The following SLC39A14 variants were observed in gnomAD, a reference collection of about 807,000 sequenced individuals.
The protein encoded by SLC39A14 is solute carrier family 39 member 14, also known as metal cation symporter ZIP14.
In SLC39A14, 19 loss-of-function variants were observed where a neutral mutation model predicts 45.5. That is an observed-to-expected ratio of 0.42 (90% confidence interval 0.29 to 0.61). The LOEUF (loss-of-function observed/expected upper bound fraction) is 0.61. Ranked by LOEUF, SLC39A14 falls within the 20% of genes least tolerant of loss-of-function variation. The pLI is 0.22. For synonymous variants in SLC39A14, 264 were observed against 251.3 expected (o/e 1.05, Z -0.48); for missense variants, 447 against 616.5 (o/e 0.73, Z 2.91).
At chr8:22,396,383 AATAGAGAGAGAGAGAG>A (rs1563532295) in intron 1 of SLC39A14, among the ~76,000 whole-genome samples, 16 of 63,782 alleles carry the variant, frequency 2.5e-4, no homozygotes, top group African/African-American at 9.7e-4. Flanking sequence ...TAAATAAATA[AATAGAGAGAGAGAGAG>A]AGAGAGAGAG....
rs549815300 is a variant in SLC39A14 at position 22,411,619 on chromosome 8, C to T, written c.458-418C>T. Among the ~76,000 whole-genome samples the T allele has an allele frequency of 1.6e-4, 25 of 152,146 alleles. 1 individual carries two copies. Among genetic ancestry groups the T allele is most frequent in the African/African-American group, 5.6e-4 (23 of 41,422 alleles). ...TTGCATGTCCTATAAAGAGAGCCCT[C>T]GAGTCCAAAGTCTGTCCTGGACAGC... On this transcript the variant is annotated intron_variant, in intron 3 of 8. Coordinates refer to ENST00000381237, the MANE Select transcript of SLC39A14 (RefSeq NM_001128431.4).
rs1362430824 is a variant in SLC39A14 at position 22,422,018 on chromosome 8, C to T, written c.*2320C>T. 17 of 985,298 alleles carry T rather than the reference C, an allele frequency of 1.7e-5. No homozygotes were observed. Among genetic ancestry groups the T allele is most frequent in the African/African-American group, 3.5e-5 (2 of 57,234 alleles). The allele number at this position is 985,298 out of a possible 1,614,324, so 61.0% of individuals were successfully genotyped here. Reference sequence around the variant, plus strand: ...GACGCTCACATCGTCTGACTTGAGTCGCCACTGATTGTGGCAACAGCTTTG... The same window carrying T: ...GACGCTCACATCGTCTGACTTGAGTTGCCACTGATTGTGGCAACAGCTTTG... On this transcript the variant is annotated 3_prime_UTR_variant, in exon 9 of 9. Coordinates refer to ENST00000381237, the MANE Select transcript of SLC39A14 (RefSeq NM_001128431.4).
chr8:22,371,375 A>T (rs182210852), intron 1 of SLC39A14, among the ~76,000 whole-genome samples: 1 of 151,564 alleles, frequency 6.6e-6, no homozygotes, highest in Admixed American at 6.6e-5. Flanking sequence ...AATAAAAAAA[A>T]TCAGATAAAA....
In SLC39A14 at chr8:22,422,077, T is replaced by A; in HGVS notation, c.*2379T>A. The A allele has an allele frequency of 1.0e-6, 1 of 985,418 alleles. No individual in the cohort carries two copies. Among genetic ancestry groups the A allele is most frequent in the Non-Finnish European group, 1.2e-6 (1 of 829,920 alleles). The allele number at this position is 985,418 out of a possible 1,614,324, so 61.0% of individuals were successfully genotyped here. On this transcript the variant is annotated 3_prime_UTR_variant, in exon 9 of 9. Transcript: ENST00000381237. The stretch of plus-strand genomic sequence containing the variant: ...GTCAAAAATTGGCAATTTCTTTTGA[T>A]TTTTAGTTGTTGAATTTGCTGTTTC...
intron 8 of SLC39A14, among the ~76,000 whole-genome samples, chr8:22,431,134 C>T (rs542967617): frequency 6.6e-6 from 1 of 151,908 alleles, no homozygotes; most frequent in African/African-American, 2.4e-5. Context: ...ACTACAGGCA[C>T]GTGCCACCAC....
chr8:22,428,062 G>T (rs1334292427), intron 8 of SLC39A14, among the ~76,000 whole-genome samples: 1 of 152,166 alleles, frequency 6.6e-6, no homozygotes, highest in Non-Finnish European at 1.5e-5. Context: ...GCTCTGGGAG[G>T]CTGAGGCGGG....
chr8:22,415,465 TATATATAG>T (rs1835815784), intron 5 of SLC39A14: 2 of 308,938 alleles, frequency 6.5e-6, no homozygotes, highest in Non-Finnish European at 1.2e-5. Context: ...TGCAGATTTA[TATATATAG>T]ATATTAGAAA....
intron 1 of SLC39A14, among the ~76,000 whole-genome samples, chr8:22,392,515 G>A (rs1288434105): frequency 6.6e-6 from 1 of 152,154 alleles, no homozygotes; most frequent in Admixed American, 6.6e-5. Flanking sequence ...TGTGAGTACC[G>A]CGTTTCCTAA....
In SLC39A14 at chr8:22,404,743, G is replaced by T. The variant is rs1315268156; in HGVS notation, c.33G>T (p.Gln11His). 6.2e-7 allele frequency: 1 copy of T among 1,613,706 alleles called. No individual in the cohort carries two copies. Among genetic ancestry groups the T allele is most frequent in the Non-Finnish European group, 8.5e-7 (1 of 1,180,008 alleles). Residue 11 changes from glutamine to histidine, a missense_variant, in exon 2 of 9, where the codon CAG (glutamine) becomes CAT (histidine). By Grantham distance (24) the Gln-to-His change is conservative. This residue lies in a region of SLC39A14 where 342 missense variants were observed against 428.1 expected (regional missense o/e 0.80). Transcript: ENST00000381237. Reference protein sequence around the residue: MKLLLLHPAFQSCLLLTLLGL... With the variant: MKLLLLHPAFHSCLLLTLLGL... ...TGCTGCTGCTGCACCCGGCCTTCCAGAGCTGCCTCCTGCTGACCCTGCTTG... is the reference window on the plus strand; with the variant it reads ...TGCTGCTGCTGCACCCGGCCTTCCATAGCTGCCTCCTGCTGACCCTGCTTG...
intron 8 of SLC39A14, among the ~76,000 whole-genome samples, chr8:22,427,858 C>T (rs1836410376): frequency 6.6e-6 from 1 of 152,148 alleles, no homozygotes; most frequent in South Asian, 2.1e-4. Context: ...GTGAACTAGT[C>T]TAACTAAAAG....
intron 1 of SLC39A14, among the ~76,000 whole-genome samples, chr8:22,397,589 C>CA (rs368412794): frequency 0.032 from 4,575 of 142,518 alleles, 82 homozygotes; most frequent in Middle Eastern, 0.058. Flanking sequence ...GACTCCGTCC[C>CA]AAAAAAAAAA....
intron 5 of SLC39A14, chr8:22,415,107 C>T (rs1461817038): frequency 2.8e-5 from 16 of 572,898 alleles, no homozygotes; most frequent in East Asian, 6.3e-5. Context: ...TAGATCTGGC[C>T]AGGGTGCCTT....
intron 1 of SLC39A14, among the ~76,000 whole-genome samples, chr8:22,377,051 C>G (rs1833256635): frequency 6.6e-6 from 1 of 152,172 alleles, no homozygotes; most frequent in Admixed American, 6.5e-5. Context: ...TGATGTTTGA[C>G]TAATGATTCT....
chr8:22,421,147 T>A lies in SLC39A14; in HGVS notation c.*1449T>A. 2 of 985,890 alleles carry A rather than the reference T, an allele frequency of 2.0e-6. No individual in the cohort carries two copies. The highest frequency in any genetic ancestry group is 2.4e-6 in the Non-Finnish European group (2 of 829,936). The allele number at this position is 985,890 out of a possible 1,614,324, so 61.1% of individuals were successfully genotyped here. A position where few individuals can be genotyped will look rare whatever the true frequency, so the allele number is the denominator to read the frequency against. ...AGCCTGTCTCTCCAGAAGCCTTTCT[T>A]AGTGGTGCCCACAGTTGGAGCCCAG... On this transcript the variant is annotated 3_prime_UTR_variant, in exon 9 of 9. Coordinates refer to ENST00000381237, the MANE Select transcript of SLC39A14 (RefSeq NM_001128431.4).
intron 1 of SLC39A14, among the ~76,000 whole-genome samples, chr8:22,388,695 C>A (rs1833912863): frequency 6.6e-6 from 1 of 151,986 alleles, no homozygotes; most frequent in Non-Finnish European, 1.5e-5. Flanking sequence ...TGGTGAGCCC[C>A]ACAGGGAGAA....
At chr8:22,415,278 A>C (rs1314556607) in intron 5 of SLC39A14, 2 of 212,282 alleles carry the variant, frequency 9.4e-6, no homozygotes, top group Non-Finnish European at 1.8e-5. Flanking sequence ...AGTTTCAAAA[A>C]GATATCTTTA....
intron 3 of SLC39A14, among the ~76,000 whole-genome samples, chr8:22,409,602 G>A (rs1451461788): frequency 7.2e-5 from 11 of 151,814 alleles, no homozygotes; most frequent in African/African-American, 9.7e-5. Flanking sequence ...GGCCGGTCTC[G>A]AACTCCTGAC....
chr8:22,412,515 G>A (rs774427799), intron 4 of SLC39A14, among the ~76,000 whole-genome samples: 1 of 152,188 alleles, frequency 6.6e-6, no homozygotes, highest in East Asian at 1.9e-4. Context: ...AGGGTGGAAC[G>A]AGCGAGTCTG....
Position 22,420,721 on chromosome 8 carries a change from G to A in SLC39A14, c.*1023G>A. 2.0e-6 allele frequency: 2 copies of A among 985,406 alleles called. No individual in the cohort carries two copies. Among genetic ancestry groups the A allele is most frequent in the Non-Finnish European group, 2.4e-6 (2 of 829,924 alleles). The allele number at this position is 985,406 out of a possible 1,614,324, so 61.0% of individuals were successfully genotyped here. ...ACAAGGGTAATCAGAAATGGAATCA[G>A]TGCAGGCAAAATTTAGGATTTGCCG... On this transcript the variant is annotated 3_prime_UTR_variant, in exon 9 of 9. Coordinates refer to ENST00000381237, the MANE Select transcript of SLC39A14 (RefSeq NM_001128431.4).
Sources: gnomAD v4.1 joint callset for allele counts (sites outside exome capture counted in the v4.1 genomes callset) on GRCh38, gnomAD v4.1.1 for gene constraint, gnomAD v4.1.1 regional missense constraint, MANE v1.5 for transcripts, NCBI Gene and HGNC (gene_info 2026-07-23, HGNC 2026-07-21) for gene names.